The following GLI2 variants were observed in gnomAD, a reference collection of about 807,000 sequenced individuals.
GLI2 encodes GLI family zinc finger 2.
In GLI2, 22 loss-of-function variants were observed where a neutral mutation model predicts 78.9. The ratio of observed to expected loss-of-function variants is 0.28; its 90% CI spans 0.20 to 0.40. GLI2 has a LOEUF of 0.40. GLI2 is among the 10% of genes least tolerant of loss of function. The pLI is 1.00. For synonymous variants in GLI2, 974 were observed against 963.7 expected (o/e 1.01, Z -0.20); for missense variants, 2,097 against 2,213.2 (o/e 0.95, Z 1.05).
intron 2 of GLI2, among the ~76,000 whole-genome samples, chr2:120,801,825 C>G (rs1684719330): frequency 6.6e-6 from 1 of 152,218 alleles, no homozygotes; most frequent in Non-Finnish European, 1.5e-5. Flanking sequence ...CCCATTTGGG[C>G]ATGGGGCTTG....
At chr2:120,794,073 G>T (rs7604784) in intron 1 of GLI2, among the ~76,000 whole-genome samples, 1 of 152,094 alleles carries the variant, frequency 6.6e-6, no homozygotes. Flanking sequence ...GGGCCTGGCT[G>T]TGGGAATGCT....
At chr2:120,861,371 C>T (rs1250871661) in intron 2 of GLI2, among the ~76,000 whole-genome samples, 1 of 152,240 alleles carries the variant, frequency 6.6e-6, no homozygotes, top group Non-Finnish European at 1.5e-5. Context: ...TTCCTGGAGG[C>T]ACCTCCTGTA....
chr2:120,852,929 G>A lies in GLI2; in HGVS notation c.148+55461G>A, dbSNP rs867316453. Among the ~76,000 whole-genome samples, 4 of 152,324 alleles carry A rather than the reference G, an allele frequency of 2.6e-5. No individual in the cohort carries two copies. The South Asian group carries it at 8.3e-4, about 32-fold the overall frequency. On this transcript the variant is annotated intron_variant, in intron 2 of 13. Transcript: ENST00000361492. ...ACTCTGGGGGAGACAGACGCAGGAA[G>A]GGATAATGAGTAATGAATTCTGTGA...
chr2:120,874,300 T>C (rs1182701431), intron 2 of GLI2, among the ~76,000 whole-genome samples: 1 of 152,182 alleles, frequency 6.6e-6, no homozygotes, highest in Non-Finnish European at 1.5e-5. Flanking sequence ...TGAAACTTTA[T>C]TTTCCAAAGA....
intron 1 of GLI2, among the ~76,000 whole-genome samples, chr2:120,742,679 T>TAAAAAAAAA (rs10522388): frequency 0.072 from 10,103 of 140,418 alleles, 464 homozygotes; most frequent in Admixed American, 0.11. Context: ...AGGATGACTT[T>TAAAAAAAAA]AAAAAAAAAG....
chr2:120,905,597 G>A (rs1678483681), intron 2 of GLI2, among the ~76,000 whole-genome samples: 1 of 152,180 alleles, frequency 6.6e-6, no homozygotes, highest in Admixed American at 6.5e-5. Flanking sequence ...GTGTCTGGGA[G>A]CAGGGAGTTG....
At chr2:120,959,020 A>G (rs570928515) in intron 5 of GLI2, among the ~76,000 whole-genome samples, 1 of 152,356 alleles carries the variant, frequency 6.6e-6, no homozygotes, top group South Asian at 2.1e-4. Context: ...AGCTAAGGAA[A>G]GAAGCACTCG....
chr2:120,817,299 G>A (rs952403383), intron 2 of GLI2, among the ~76,000 whole-genome samples: 13 of 152,124 alleles, frequency 8.5e-5, no homozygotes, highest in South Asian at 2.1e-4. Flanking sequence ...CACTGCCTCC[G>A]TGGGGTCTCT....
rs1336394269 is a variant in GLI2 at position 120,761,979 on chromosome 2, A to G, written c.-31+25694A>G. The stretch of plus-strand genomic sequence containing the variant: ...ATTAGAACATTAGGCAAAAGTACAG[A>G]GTGAGTTCCCAGTGCCGCTTTGCTT... On this transcript the variant is annotated intron_variant, in intron 1 of 13. Transcript: ENST00000361492. Among the ~76,000 whole-genome samples, 3 of 152,326 alleles carry G rather than the reference A, an allele frequency of 2.0e-5. No individual in the cohort carries two copies. The East Asian group carries it at 5.8e-4, about 29-fold the overall frequency.
intron 1 of GLI2, among the ~76,000 whole-genome samples, chr2:120,751,228 C>T (rs2104632582): frequency 6.6e-6 from 1 of 152,296 alleles, no homozygotes; most frequent in South Asian, 2.1e-4. Flanking sequence ...ATCATGATGG[C>T]CCAAATACTA....
intron 2 of GLI2, among the ~76,000 whole-genome samples, chr2:120,892,218 G>A (rs1376353898): frequency 6.6e-6 from 1 of 152,168 alleles, no homozygotes; most frequent in Non-Finnish European, 1.5e-5. Context: ...CCTGTTGAAG[G>A]TTCTTCTGGG....
chr2:120,985,992 C>T (rs1415750163), intron 12 of GLI2, among the ~76,000 whole-genome samples: 1 of 152,252 alleles, frequency 6.6e-6, no homozygotes, highest in South Asian at 2.1e-4. Flanking sequence ...TACTGGGTGC[C>T]TTCTGCACGC....
chr2:120,875,008 G>A (rs991816481), intron 2 of GLI2, among the ~76,000 whole-genome samples: 3 of 152,232 alleles, frequency 2.0e-5, no homozygotes, highest in African/African-American at 7.2e-5. Context: ...GGCTCCTGGA[G>A]CCTGTTTCCT....
chr2:120,772,422 G>A (rs1295963905), intron 1 of GLI2, among the ~76,000 whole-genome samples: 4 of 152,216 alleles, frequency 2.6e-5, no homozygotes, highest in Non-Finnish European at 4.4e-5. Context: ...GAGCACACTT[G>A]TTTTGCTTTC....
rs184681609 is a variant in GLI2, at chr2:120,924,661, A to T, written c.149-2700A>T. On this transcript the variant is annotated intron_variant, in intron 2 of 13. Transcript: ENST00000361492. ...CTTTTCTACACATTTGGGAAAGCGAACACTGTTTCCCTGCTGACTCCCTGG... is the reference window on the plus strand; with the variant it reads ...CTTTTCTACACATTTGGGAAAGCGATCACTGTTTCCCTGCTGACTCCCTGG... 7.9e-4 allele frequency among the ~76,000 whole-genome samples: 121 copies of T among 152,304 alleles called. 1 individual carries two copies. The highest frequency in any genetic ancestry group is 2.0e-3 in the Admixed American group (30 of 15,302).
chr2:120,933,753 C>G (rs1333595625), intron 3 of GLI2, among the ~76,000 whole-genome samples: 1 of 152,060 alleles, frequency 6.6e-6, no homozygotes, highest in Non-Finnish European at 1.5e-5. Context: ...AACTTGTGTC[C>G]TGGAGAGGAA....
At chr2:120,817,605 G>T (rs1399712893) in intron 2 of GLI2, among the ~76,000 whole-genome samples, 2 of 152,164 alleles carry the variant, frequency 1.3e-5, no homozygotes, top group African/African-American at 4.8e-5. Context: ...TTTGTCCTGA[G>T]TGCTCTTCTC....
At chr2:120,974,786 G>A in intron 8 of GLI2, 189 bp from the exon 9 acceptor site, 2 of 764,636 alleles carry the variant, frequency 2.6e-6, no homozygotes, top group Non-Finnish European at 4.6e-6. Context: ...ATGAGTGTGT[G>A]TGTGTGTGTG....
intron 2 of GLI2, among the ~76,000 whole-genome samples, chr2:120,827,959 G>A (rs542897432): frequency 2.6e-5 from 4 of 152,198 alleles, no homozygotes; most frequent in Admixed American, 6.5e-5. Context: ...ATGGATGGTC[G>A]TGATGGTTGC....
Sources: allele counts gnomAD v4.1 joint callset (sites outside exome capture counted in the v4.1 genomes callset), GRCh38; gene constraint gnomAD v4.1.1; transcripts MANE v1.5; gene names NCBI Gene and HGNC (gene_info 2026-07-23, HGNC 2026-07-21).